Variants in C1orf21 observed in about 807,000 individuals in gnomAD.
C1orf21 encodes the protein uncharacterized protein C1orf21.
C1orf21 carries 3 observed loss-of-function variants against 18.7 expected under a neutral mutation model. That is an observed-to-expected ratio of 0.16 (90% CI 0.07 to 0.42). The LOEUF (loss-of-function observed/expected upper bound fraction) is 0.42, where lower values mean the gene tolerates loss of function less well. Among genes scored for constraint, C1orf21 ranks in the 10% least tolerant of loss-of-function variants. The pLI is 0.99. For synonymous variants in C1orf21, 41 were observed against 46.4 expected, an observed-to-expected ratio of 0.88 and a Z score of 0.47; for missense variants, 104 against 143.6, an observed-to-expected ratio of 0.72 and a Z score of 1.41.
intron 5 of C1orf21, among the ~76,000 whole-genome samples, chr1:184,606,162 G>T (rs1386776307): frequency 1.3e-5 from 2 of 152,246 alleles, no homozygotes; most frequent in Non-Finnish European, 2.9e-5. Context: ...ATTACAGAAT[G>T]AGTCAGTGAG....
chr1:184,387,222 C>T lies in C1orf21; in HGVS notation c.-271C>T, dbSNP rs1200804034. ...CCGGCTTCGGGGTTTTGGGTTCTTA[C>T]TCCAAGCGGCGGGGAGGAGGGGGAG... On this transcript the variant is annotated 5_prime_UTR_variant, in exon 1 of 6. Coordinates refer to ENST00000235307, the MANE Select transcript of C1orf21 (RefSeq NM_030806.4). The surrounding 1 kb of genome is among the most constrained non-coding windows in gnomAD (Gnocchi z 5.6). 1.3e-5 allele frequency: 2 copies of T among 152,642 alleles called. No homozygotes were observed. Among genetic ancestry groups the T allele is most frequent in the Non-Finnish European group, 2.9e-5 (2 of 68,484 alleles). The allele number at this position is 152,642 out of a possible 1,614,324, so 9.5% of individuals were successfully genotyped here.
intron 3 of C1orf21, among the ~76,000 whole-genome samples, chr1:184,516,259 C>G (rs534813211): frequency 6.6e-6 from 1 of 152,086 alleles, no homozygotes; most frequent in African/African-American, 2.4e-5. Context: ...CACCCTTTCA[C>G]AGTCATCAAT....
chr1:184,612,235 G>A (rs1350088645), intron 5 of C1orf21, among the ~76,000 whole-genome samples: 1 of 152,138 alleles, frequency 6.6e-6, no homozygotes, highest in Non-Finnish European at 1.5e-5. Flanking sequence ...TTTATCACAA[G>A]CATAACAGCT....
intron 3 of C1orf21, among the ~76,000 whole-genome samples, chr1:184,541,596 A>G (rs1157817828): frequency 6.6e-6 from 1 of 152,202 alleles, no homozygotes; most frequent in African/African-American, 2.4e-5. Context: ...TGATTCTTAA[A>G]TATTTACGAA....
intron 1 of C1orf21, among the ~76,000 whole-genome samples, chr1:184,417,621 A>G (rs1479394431): frequency 2.6e-5 from 4 of 152,248 alleles, no homozygotes; most frequent in African/African-American, 9.6e-5. Context: ...CTTTAAACTC[A>G]AAATATAGAA....
intron 3 of C1orf21, among the ~76,000 whole-genome samples, chr1:184,578,993 T>TAAA (rs67905484): frequency 8.2e-6 from 1 of 121,684 alleles, no homozygotes; most frequent in South Asian, 2.6e-4. Context: ...TTGTGAAGGT[T>TAAA]AAAAAAAAAA....
chr1:184,469,110 C>T (rs1571372885), intron 1 of C1orf21, among the ~76,000 whole-genome samples: 2 of 150,318 alleles, frequency 1.3e-5, no homozygotes, highest in East Asian at 3.9e-4. Flanking sequence ...GTCAGCCAGG[C>T]ATGGTGGCAC....
chr1:184,416,064 C>G (rs1346445915), intron 1 of C1orf21, among the ~76,000 whole-genome samples: 1 of 152,126 alleles, frequency 6.6e-6, no homozygotes, highest in Non-Finnish European at 1.5e-5. Flanking sequence ...TGAACCAAAC[C>G]ACATCTTCAT....
intron 3 of C1orf21, among the ~76,000 whole-genome samples, chr1:184,523,963 C>T (rs983908812): frequency 3.3e-5 from 5 of 152,106 alleles, no homozygotes; most frequent in African/African-American, 7.2e-5. Flanking sequence ...AGAAATCTTA[C>T]GTCAACTTGT....
chr1:184,535,730 C>T (rs1658540787), intron 3 of C1orf21, among the ~76,000 whole-genome samples: 1 of 152,158 alleles, frequency 6.6e-6, no homozygotes, highest in African/African-American at 2.4e-5. Context: ...CACTCAGAGC[C>T]AAGTTCCCAT....
chr1:184,595,528 A>T (rs1276685855), intron 4 of C1orf21, among the ~76,000 whole-genome samples: 3 of 152,192 alleles, frequency 2.0e-5, no homozygotes, highest in African/African-American at 7.2e-5. Context: ...GACAGGAATC[A>T]GTTGATATGG....
At chr1:184,399,655 A>G (rs1016340197) in intron 1 of C1orf21, among the ~76,000 whole-genome samples, 2 of 152,154 alleles carry the variant, frequency 1.3e-5, no homozygotes, top group African/African-American at 2.4e-5. Flanking sequence ...ACTCCTGGCC[A>G]TGTTAGGTAC....
At chr1:184,461,408 A>T (rs1326568381) in intron 1 of C1orf21, among the ~76,000 whole-genome samples, 1 of 152,130 alleles carries the variant, frequency 6.6e-6, no homozygotes, top group Non-Finnish European at 1.5e-5. Flanking sequence ...ATGACCTAGG[A>T]TACTGCAACT....
chr1:184,547,180 G>A (rs1350340633), intron 3 of C1orf21, among the ~76,000 whole-genome samples: 1 of 152,142 alleles, frequency 6.6e-6, no homozygotes, highest in African/African-American at 2.4e-5. Flanking sequence ...ATACAAAGCC[G>A]GAGCAGCCAG....
intron 1 of C1orf21, among the ~76,000 whole-genome samples, chr1:184,455,490 A>C (rs1468384437): frequency 1.3e-5 from 2 of 152,172 alleles, no homozygotes; most frequent in Non-Finnish European, 2.9e-5. Context: ...AGTCTTAGAA[A>C]GTAGCTGAGA....
At chr1:184,457,916 G>A (rs1657245779) in intron 1 of C1orf21, among the ~76,000 whole-genome samples, 2 of 152,116 alleles carry the variant, frequency 1.3e-5, no homozygotes, top group African/African-American at 4.8e-5. Flanking sequence ...CTTCAATTAA[G>A]TTCCTACTAC....
At chr1:184,396,055 T>G (rs754979392) in intron 1 of C1orf21, among the ~76,000 whole-genome samples, 5 of 152,088 alleles carry the variant, frequency 3.3e-5, no homozygotes, top group Non-Finnish European at 5.9e-5. Flanking sequence ...ACAGAAGAAA[T>G]GTAATGACGT....
At chr1:184,533,229 C>A (rs1317023819) in intron 3 of C1orf21, among the ~76,000 whole-genome samples, 1 of 152,082 alleles carries the variant, frequency 6.6e-6, no homozygotes, top group African/African-American at 2.4e-5. Flanking sequence ...TGACTGCTCC[C>A]TGACCCCTCC....
intron 2 of C1orf21, among the ~76,000 whole-genome samples, chr1:184,492,637 G>A (rs1451622192): frequency 6.6e-6 from 1 of 152,224 alleles, no homozygotes; most frequent in East Asian, 1.9e-4. Context: ...GCCTGAAGGT[G>A]AGAAAGCTTG....
Sources: allele counts gnomAD v4.1 joint callset (sites outside exome capture counted in the v4.1 genomes callset), GRCh38; gene constraint gnomAD v4.1.1; non-coding constraint Gnocchi (gnomAD v3.1); transcripts MANE v1.5; gene names NCBI Gene and HGNC (gene_info 2026-07-23, HGNC 2026-07-21).